FLRT1: variants seen among roughly 807,000 people sequenced by gnomAD.
FLRT1 encodes fibronectin leucine rich transmembrane protein 1.
Under a neutral mutation model 30.9 loss-of-function variants are expected in FLRT1, and 14 were observed. The observed-to-expected ratio is 0.45, with a 90% CI of 0.30 to 0.71. The LOEUF is 0.71. Ranked by LOEUF, FLRT1 falls within the 30% of genes least tolerant of loss-of-function variation. The pLI is 0.08. For missense variants in FLRT1, 737 were observed against 949.2 expected, an observed-to-expected ratio of 0.78 and a Z score of 2.94; for synonymous variants, 368 against 430.4, an observed-to-expected ratio of 0.85 and a Z score of 1.80.
At chr11:64,098,100 C>A (rs1944609252) in intron 1 of FLRT1, among the ~76,000 whole-genome samples, 2 of 152,212 alleles carry the variant, frequency 1.3e-5, no homozygotes, top group Non-Finnish European at 2.9e-5. Flanking sequence ...CTGGTCCTCT[C>A]CTGTGCACCT....
chr11:64,101,618 G>A (rs918391913), intron 1 of FLRT1, among the ~76,000 whole-genome samples: 1 of 152,152 alleles, frequency 6.6e-6, no homozygotes, highest in African/African-American at 2.4e-5. Context: ...TCGCTTTCAT[G>A]GAGAAATTAC....
rs890802668 is a variant in FLRT1 at position 64,064,320 on chromosome 11, T to C, written c.-1038+28161T>C. Among the ~76,000 whole-genome samples the C allele has an allele frequency of 1.3e-5, 2 of 152,060 alleles. No individual in the cohort carries two copies. Among genetic ancestry groups the C allele is most frequent in the Non-Finnish European group, 2.9e-5 (2 of 67,994 alleles). On this transcript the variant is annotated intron_variant, in intron 1 of 2. Transcript: ENST00000682287. This position sits in a 1 kb window ranked among gnomAD's most constrained non-coding sequence, Gnocchi z 4.5. The stretch of plus-strand genomic sequence containing the variant: ...GTTCAGGCGGCGGGTAGGGGGGTGA[T>C]GTCTCATCAGAAGAGGGGCCTGCCT...
At chr11:64,073,703 C>T (rs973614636) in intron 1 of FLRT1, among the ~76,000 whole-genome samples, 2 of 152,186 alleles carry the variant, frequency 1.3e-5, no homozygotes, top group African/African-American at 4.8e-5. Flanking sequence ...TGTGCGTGCG[C>T]GTGGGTTCTC....
chr11:64,062,204 T>C (rs1238736714), intron 1 of FLRT1, among the ~76,000 whole-genome samples: 1 of 152,110 alleles, frequency 6.6e-6, no homozygotes, highest in East Asian at 1.9e-4. Flanking sequence ...TGCCACACTA[T>C]GAGGGTTCCA....
intron 1 of FLRT1, among the ~76,000 whole-genome samples, chr11:64,037,175 T>G (rs563749178): frequency 6.6e-6 from 1 of 152,264 alleles, no homozygotes; most frequent in African/African-American, 2.4e-5. Context: ...CAGCCCTGCC[T>G]CACCGCGGCC....
chr11:64,087,790 C>T (rs1189920049), intron 1 of FLRT1, among the ~76,000 whole-genome samples: 2 of 152,244 alleles, frequency 1.3e-5, no homozygotes, highest in Admixed American at 6.5e-5. Flanking sequence ...GGAGGCTGGA[C>T]GCCTGCCCAG....
chr11:64,105,130 C>T (rs1210659542), intron 2 of FLRT1, among the ~76,000 whole-genome samples: 1 of 152,256 alleles, frequency 6.6e-6, no homozygotes, highest in African/African-American at 2.4e-5. Context: ...GTGAAAGATG[C>T]CCTGCGGATG....
At chr11:64,065,328 C>A (rs994162237) in intron 1 of FLRT1, among the ~76,000 whole-genome samples, 2 of 152,194 alleles carry the variant, frequency 1.3e-5, no homozygotes, top group Non-Finnish European at 2.9e-5. Context: ...GGAGGCCAGG[C>A]TTTGTTCTGA....
rs1008957621 is a variant in FLRT1, at chr11:64,036,947, A to G, written c.-1038+788A>G. On this transcript the variant is annotated intron_variant, in intron 1 of 2. Coordinates refer to ENST00000682287, the MANE Select transcript of FLRT1 (RefSeq NM_013280.5). This position sits in a 1 kb window ranked among gnomAD's most constrained non-coding sequence, Gnocchi z 5.6. ...CAGCTGCAGGGAACCGTGGTTGATC[A>G]GAGCTCCCCGAGGAGGAGAAAGTTG... 6.6e-6 allele frequency among the ~76,000 whole-genome samples: 1 copy of G among 152,216 alleles called. No individual in the cohort carries two copies. The highest frequency in any genetic ancestry group is 2.4e-5 in the African/African-American group (1 of 41,472).
rs1019778317 is a variant in FLRT1, at chr11:64,117,426, G to A, written c.1159G>A (p.Val387Met). 2.2e-5 allele frequency: 35 copies of A among 1,612,616 alleles called. No individual in the cohort carries two copies. In the East Asian group the frequency reaches 2.5e-4, roughly 11 times the overall value. Residue 387 changes from valine (V) to methionine (M), a missense_variant, in exon 3 of 3, where the codon GTG becomes ATG. Physicochemically the swap from Val to Met is conservative, Grantham distance 21. Coordinates refer to ENST00000682287, the MANE Select transcript of FLRT1 (RefSeq NM_013280.5). The stretch of plus-strand genomic sequence containing the variant: ...TTTTGAGACGGGGCCGCAGGGCGGC[G>A]TGGCCAATGCGGCTGCCAAGACCAC... ...ECFETGPQGGVANAAAKTTAS... is the reference protein window; with the variant it reads ...ECFETGPQGGMANAAAKTTAS...
chr11:64,088,406 G>GGCC (rs1288793613), intron 1 of FLRT1, among the ~76,000 whole-genome samples: 17 of 152,198 alleles, frequency 1.1e-4, no homozygotes, highest in Admixed American at 1.1e-3. Flanking sequence ...ACCTGTGGAA[G>GGCC]GCCGGCACAA....
intron 1 of FLRT1, among the ~76,000 whole-genome samples, chr11:64,079,853 C>T (rs1260549187): frequency 6.6e-6 from 1 of 152,146 alleles, no homozygotes; most frequent in Non-Finnish European, 1.5e-5. Context: ...GAGCCAGCAA[C>T]AGCTCCAGAG....
At chr11:64,081,183 A>G (rs535165057) in intron 1 of FLRT1, among the ~76,000 whole-genome samples, 3 of 152,184 alleles carry the variant, frequency 2.0e-5, no homozygotes, top group South Asian at 2.1e-4. Flanking sequence ...CACCATGCCT[A>G]GCTAATTTTT....
intron 2 of FLRT1, among the ~76,000 whole-genome samples, chr11:64,112,754 G>A (rs1590925499): frequency 6.6e-6 from 1 of 152,312 alleles, no homozygotes; most frequent in East Asian, 1.9e-4. Flanking sequence ...CCTGGCTGCT[G>A]CAGTCAGTGA....
At chr11:64,048,149 C>A (rs1035899569) in intron 1 of FLRT1, among the ~76,000 whole-genome samples, 1 of 152,330 alleles carries the variant, frequency 6.6e-6, no homozygotes, top group African/African-American at 2.4e-5. Flanking sequence ...CCTGCCCCCA[C>A]GACAGCTGCC....
intron 1 of FLRT1, among the ~76,000 whole-genome samples, chr11:64,051,903 G>T (rs553211505): frequency 1.3e-5 from 2 of 152,124 alleles, no homozygotes; most frequent in African/African-American, 4.8e-5. Flanking sequence ...TCTCTCGGGG[G>T]CTGCAAGAGA....
Position 64,051,305 on chromosome 11 carries a change from C to T in FLRT1, c.-1038+15146C>T, listed in dbSNP as rs1943689776. Among the ~76,000 whole-genome samples the T allele has an allele frequency of 5.3e-5, 8 of 152,318 alleles. No individual in the cohort carries two copies. The South Asian group carries it at 1.7e-3, about 32-fold the overall frequency. On this transcript the variant is annotated intron_variant, in intron 1 of 2. Coordinates refer to ENST00000682287, the MANE Select transcript of FLRT1 (RefSeq NM_013280.5). ...GTCCCTCTTTTGAAGTAGCTCTGGGCAGACACCTGCCTTGACGGCCCTCTG... is the reference window on the plus strand; with the variant it reads ...GTCCCTCTTTTGAAGTAGCTCTGGGTAGACACCTGCCTTGACGGCCCTCTG...
At chr11:64,110,189 C>T (rs1280523265) in intron 2 of FLRT1, among the ~76,000 whole-genome samples, 2 of 152,104 alleles carry the variant, frequency 1.3e-5, no homozygotes, top group Admixed American at 6.5e-5. Flanking sequence ...GTGGCTCACG[C>T]GTATAATCTC....
At chr11:64,110,758 C>G (rs1944847938) in intron 2 of FLRT1, among the ~76,000 whole-genome samples, 1 of 152,286 alleles carries the variant, frequency 6.6e-6, no homozygotes, top group South Asian at 2.1e-4. Flanking sequence ...GACAAGCGAT[C>G]CCATAAAAGA....
Sources: allele counts gnomAD v4.1 joint callset (sites outside exome capture counted in the v4.1 genomes callset), GRCh38; gene constraint gnomAD v4.1.1; non-coding constraint Gnocchi (gnomAD v3.1); transcripts MANE v1.5; gene names NCBI Gene and HGNC (gene_info 2026-07-23, HGNC 2026-07-21).